The following FSTL4 variants were observed in gnomAD, a reference collection of about 807,000 sequenced individuals.
The protein encoded by FSTL4 is follistatin-related protein 4.
Under a neutral mutation model 78.2 loss-of-function variants are expected in FSTL4, and 28 were observed. The observed-to-expected ratio is 0.36, with a 90% confidence interval of 0.27 to 0.49. The LOEUF is 0.49. FSTL4 is among the 20% of genes least tolerant of loss of function. The pLI, the probability that FSTL4 is intolerant of heterozygous loss-of-function variation, is 0.98. For missense variants in FSTL4, 922 were observed against 1,084.9 expected, an observed-to-expected ratio of 0.85 and a Z score of 2.11; for synonymous variants, 422 against 440.5, an observed-to-expected ratio of 0.96 and a Z score of 0.53.
chr5:133,328,965 C>T (rs1397411102), intron 4 of FSTL4, among the ~76,000 whole-genome samples: 1 of 152,176 alleles, frequency 6.6e-6, no homozygotes, highest in African/African-American at 2.4e-5. Context: ...AGAAATGTAG[C>T]TGCTTTGAGC....
At chr5:133,329,439 C>T (rs1439839101) in intron 4 of FSTL4, among the ~76,000 whole-genome samples, 1 of 152,074 alleles carries the variant, frequency 6.6e-6, no homozygotes, top group Non-Finnish European at 1.5e-5. Context: ...AACTTACACA[C>T]CTGTAACAGG....
chr5:133,838,230 C>A, the FSTL4 span, among the ~76,000 whole-genome samples: 1 of 152,214 alleles, frequency 6.6e-6, no homozygotes, highest in Non-Finnish European at 1.5e-5. Context: ...TTGAGCCAAG[C>A]TCTTGTCACC....
At chr5:133,633,363 A>G in the FSTL4 span, among the ~76,000 whole-genome samples, 1 of 152,144 alleles carries the variant, frequency 6.6e-6, no homozygotes, top group Admixed American at 6.5e-5. Context: ...TCTATCTTCA[A>G]ACTCACTAAT....
chr5:133,796,451 G>C, the FSTL4 span, among the ~76,000 whole-genome samples: 3 of 152,168 alleles, frequency 2.0e-5, no homozygotes, highest in Non-Finnish European at 4.4e-5. Flanking sequence ...GCCACACACA[G>C]ACTCGAAGGA....
At chr5:133,375,231 A>C (rs1372011680) in intron 4 of FSTL4, among the ~76,000 whole-genome samples, 1 of 141,818 alleles carries the variant, frequency 7.1e-6, no homozygotes, top group Non-Finnish European at 1.5e-5. Context: ...CTGTTGTATA[A>C]AGAGATCCAT....
chr5:133,366,161 G>A (rs1755177368), intron 4 of FSTL4, among the ~76,000 whole-genome samples: 1 of 152,142 alleles, frequency 6.6e-6, no homozygotes. Flanking sequence ...GCTCCTTTCA[G>A]GTTCAGGGCC....
chr5:133,563,080 C>A (rs1350357938), intron 3 of FSTL4, among the ~76,000 whole-genome samples: 1 of 152,200 alleles, frequency 6.6e-6, no homozygotes, highest in Non-Finnish European at 1.5e-5. Flanking sequence ...CACTCTTTCC[C>A]ATGCAGCTCA....
chr5:133,421,766 C>CTCATTCAT (rs58435074), intron 3 of FSTL4, among the ~76,000 whole-genome samples: 7 of 152,142 alleles, frequency 4.6e-5, no homozygotes, highest in Middle Eastern at 3.2e-3. Context: ...ATCATGCTCA[C>CTCATTCAT]TCATTCATTC....
At chr5:133,774,417 A>T in the FSTL4 span, among the ~76,000 whole-genome samples, 1 of 152,186 alleles carries the variant, frequency 6.6e-6, no homozygotes, top group African/African-American at 2.4e-5. Flanking sequence ...GGTAGAGGCT[A>T]AAGATGCTGT....
chr5:133,233,520 A>G lies in FSTL4; in HGVS notation c.912T>C (p.Asp304=). 6.8e-6 allele frequency: 11 copies of G among 1,614,092 alleles called. No homozygotes were observed. Among genetic ancestry groups the G allele is most frequent in the Non-Finnish European group, 8.5e-6 (10 of 1,180,006 alleles). ...TGGTCACCTTGGTGATGTACAGGGA[A>G]TCATCCTCTCCAAAGTCCTGCACAG... ...LEDINDFGED[D]SLYITKVTTI... The change falls in exon 8 of 16, where the codon GAT becomes GAC. Residue 304 remains aspartate (D), a synonymous_variant. Transcript: ENST00000265342.
intron 7 of FSTL4, 127 bp from the exon 8 acceptor site, chr5:133,233,664 A>T: frequency 8.4e-7 from 1 of 1,193,368 alleles, no homozygotes. Flanking sequence ...GCCCTTGCTC[A>T]GCCAGAGCTG....
Position 133,426,814 on chromosome 5 carries a change from G to A in FSTL4, c.161-25828C>T, listed in dbSNP as rs146603188. Among the ~76,000 whole-genome samples, 14 of 152,294 alleles carry A rather than the reference G, an allele frequency of 9.2e-5. No individual in the cohort carries two copies. In the East Asian group the frequency reaches 2.5e-3, roughly 27 times the overall value. On this transcript the variant is annotated intron_variant, in intron 3 of 15. Coordinates refer to ENST00000265342, the MANE Select transcript of FSTL4 (RefSeq NM_015082.2). This position sits in a 1 kb window ranked among gnomAD's most constrained non-coding sequence, Gnocchi z 5.0. ...TAGTTTAGCAAACACCACTGCTACT[G>A]CAATCCAGAACCCAAACCAGGCTAA... is the stretch of plus-strand genomic sequence containing the variant.
At chr5:133,208,610 TGAGA>T in intron 14 of FSTL4, among the ~76,000 whole-genome samples, 1 of 152,208 alleles carries the variant, frequency 6.6e-6, no homozygotes, top group Non-Finnish European at 1.5e-5. Context: ...CTCTGTGATT[TGAGA>T]GAGCTTTTCT....
the FSTL4 span, among the ~76,000 whole-genome samples, chr5:133,807,116 C>T: frequency 6.6e-6 from 1 of 152,250 alleles, no homozygotes; most frequent in Non-Finnish European, 1.5e-5. Context: ...TGTTGTTAAA[C>T]AGCCTCTTCA....
rs1278879544 is a variant in FSTL4, at chr5:133,400,802, GT to G, written c.344del (p.His115ProfsTer34). 1 of 1,613,894 alleles carries G rather than the reference GT, an allele frequency of 6.2e-7. No individual in the cohort carries two copies. Among genetic ancestry groups the G allele is most frequent in the African/African-American group, 1.3e-5 (1 of 74,920 alleles). Reference protein sequence around the residue: ...GRFYENHCKLHRAACLLGKRI... With the variant: ...GRFYENHCKLXRAACLLGKRI... ...TCTTTCCCAGGAGGCAAGCAGCACGGTGGAGCTTACAGTGGTTTTCATAAAA... is the reference window on the plus strand; with the variant it reads ...TCTTTCCCAGGAGGCAAGCAGCACGGGGAGCTTACAGTGGTTTTCATAAAA... On this transcript the variant is annotated frameshift_variant, in exon 4 of 16. Coordinates refer to ENST00000265342, the MANE Select transcript of FSTL4 (RefSeq NM_015082.2). LOFTEE classifies it high-confidence loss of function.
chr5:133,408,623 G>C, intron 3 of FSTL4, among the ~76,000 whole-genome samples: 1 of 152,216 alleles, frequency 6.6e-6, no homozygotes, highest in African/African-American at 2.4e-5. Context: ...AACTTCCTAC[G>C]GTACTTGTGT....
At chr5:133,341,588 C>T (rs1754583381) in intron 4 of FSTL4, among the ~76,000 whole-genome samples, 1 of 152,086 alleles carries the variant, frequency 6.6e-6, no homozygotes, top group African/African-American at 2.4e-5. Flanking sequence ...TGCTCTTTTG[C>T]CAAGGGAGCA....
At chr5:133,403,378 TG>T (rs1488331172) in intron 3 of FSTL4, among the ~76,000 whole-genome samples, 2 of 152,176 alleles carry the variant, frequency 1.3e-5, no homozygotes, top group African/African-American at 4.8e-5. Flanking sequence ...ATGAAGTGCT[TG>T]CTACCAGCCC....
chr5:133,228,208 C>G (rs1173394736), intron 8 of FSTL4, among the ~76,000 whole-genome samples: 1 of 151,982 alleles, frequency 6.6e-6, no homozygotes, highest in East Asian at 1.9e-4. Flanking sequence ...GCCTGGGTGA[C>G]AGAGCAAGAA....
Sources: allele counts gnomAD v4.1 joint callset (sites outside exome capture counted in the v4.1 genomes callset), GRCh38; gene constraint gnomAD v4.1.1; non-coding constraint Gnocchi (gnomAD v3.1); transcripts MANE v1.5; gene names NCBI Gene and HGNC (gene_info 2026-07-23, HGNC 2026-07-21).